The following SLC30A8 variants were observed in gnomAD, a reference collection of about 807,000 sequenced individuals.
SLC30A8 encodes the protein solute carrier family 30 member 8.
SLC30A8 carries 27 observed loss-of-function variants against 36.9 expected under a neutral mutation model. The ratio of observed to expected loss-of-function variants is 0.73; its 90% CI spans 0.54 to 1.01. SLC30A8 has a LOEUF of 1.01. SLC30A8 is among the 50% of genes least tolerant of loss of function. The pLI is 0.00. For synonymous variants in SLC30A8, 164 were observed against 172.4 expected, an observed-to-expected ratio of 0.95 and a Z score of 0.38; for missense variants, 439 against 452.0, an observed-to-expected ratio of 0.97 and a Z score of 0.26.
chr8:117,126,858 G>C (rs899583628), intron 2 of SLC30A8, among the ~76,000 whole-genome samples: 4 of 152,056 alleles, frequency 2.6e-5, no homozygotes, highest in African/African-American at 9.7e-5. Context: ...GGATCTAAGA[G>C]GGGCTGTCTG....
intron 2 of SLC30A8, among the ~76,000 whole-genome samples, chr8:117,069,025 C>A (rs911772475): frequency 6.6e-5 from 10 of 152,104 alleles, no homozygotes; most frequent in African/African-American, 2.4e-4. Context: ...CCTTTATTTG[C>A]CATTTTGCTA....
At chr8:117,075,104 C>T (rs926507983) in intron 2 of SLC30A8, among the ~76,000 whole-genome samples, 2 of 152,072 alleles carry the variant, frequency 1.3e-5, no homozygotes, top group East Asian at 3.9e-4. Context: ...AGTGAATAAA[C>T]TTGATTTCTA....
chr8:117,071,454 CTTATCAGAA>C (rs1937345794), intron 2 of SLC30A8, among the ~76,000 whole-genome samples: 1 of 152,072 alleles, frequency 6.6e-6, no homozygotes, highest in African/African-American at 2.4e-5. Flanking sequence ...ATATTGACCC[CTTATCAGAA>C]GTATGGGTTG....
chr8:117,047,827 A>G (rs1817598512), intron 2 of SLC30A8, among the ~76,000 whole-genome samples: 1 of 152,210 alleles, frequency 6.6e-6, no homozygotes, highest in Admixed American at 6.5e-5. Context: ...CTGATAAAAC[A>G]GCTTGCAGTA....
intron 1 of SLC30A8, among the ~76,000 whole-genome samples, chr8:117,036,661 C>T (rs534008440): frequency 2.0e-5 from 3 of 152,234 alleles, no homozygotes; most frequent in South Asian, 4.1e-4. Flanking sequence ...ATAAAACCAT[C>T]AGATCTCATG....
chr8:117,164,069 C>G (rs548170723), intron 6 of SLC30A8: 1 of 152,540 alleles, frequency 6.6e-6, no homozygotes, highest in Admixed American at 6.5e-5. Context: ...GTTCAGGTGT[C>G]TGCACTAAGG....
intron 1 of SLC30A8, among the ~76,000 whole-genome samples, chr8:117,022,756 C>T: frequency 6.6e-6 from 1 of 152,158 alleles, no homozygotes; most frequent in Non-Finnish European, 1.5e-5. Flanking sequence ...AAATGTTAGA[C>T]CTAAAACCAT....
At chr8:117,052,746 G>C (rs1043272858) in intron 2 of SLC30A8, among the ~76,000 whole-genome samples, 1 of 152,068 alleles carries the variant, frequency 6.6e-6, no homozygotes, top group African/African-American at 2.4e-5. Context: ...ATCACCTCCA[G>C]CTCTTTCTGA....
chr8:116,965,076 A>T (rs1385645723), intron 1 of SLC30A8, among the ~76,000 whole-genome samples: 4 of 152,204 alleles, frequency 2.6e-5, no homozygotes, highest in Non-Finnish European at 4.4e-5. Flanking sequence ...AGCTGAGATT[A>T]CAGGCGTGCA....
At chr8:116,968,688 G>A (rs1385763612) in intron 1 of SLC30A8, among the ~76,000 whole-genome samples, 1 of 151,864 alleles carries the variant, frequency 6.6e-6, no homozygotes, top group South Asian at 2.1e-4. Context: ...ATAGGAAAGA[G>A]GAGTGAATAG....
intron 1 of SLC30A8, among the ~76,000 whole-genome samples, chr8:116,970,956 G>A (rs1264719763): frequency 1.3e-5 from 2 of 152,082 alleles, no homozygotes; most frequent in Non-Finnish European, 2.9e-5. Flanking sequence ...TTAGCCAGTT[G>A]TAGTGGTGCA....
intron 2 of SLC30A8, among the ~76,000 whole-genome samples, chr8:117,039,508 A>T (rs1408863145): frequency 6.6e-6 from 1 of 152,164 alleles, no homozygotes; most frequent in Non-Finnish European, 1.5e-5. Context: ...TCTACTCATG[A>T]ATCCTTTTTG....
At chr8:117,045,967 A>G (rs1817538657) in intron 2 of SLC30A8, among the ~76,000 whole-genome samples, 2 of 146,842 alleles carry the variant, frequency 1.4e-5, no homozygotes, top group African/African-American at 5.1e-5. Context: ...TTTAAAACTG[A>G]CAGAAGAAAA....
At chr8:117,132,443 G>A (rs930792173), upstream of SLC30A8, among the ~76,000 whole-genome samples, 1 of 152,004 alleles carries the variant, frequency 6.6e-6, no homozygotes, top group African/African-American at 2.4e-5. Flanking sequence ...TAGATTGTGT[G>A]TTTCCCATTC....
intron 2 of SLC30A8, among the ~76,000 whole-genome samples, chr8:117,098,079 TTA>T (rs199510418): frequency 0.014 from 1,943 of 138,998 alleles, 61 homozygotes; most frequent in African/African-American, 0.049. Context: ...ATAAATATAA[TTA>T]TATATATTAT....
At chr8:117,044,439 C>T (rs1289367702) in intron 2 of SLC30A8, among the ~76,000 whole-genome samples, 1 of 152,108 alleles carries the variant, frequency 6.6e-6, no homozygotes, top group Non-Finnish European at 1.5e-5. Flanking sequence ...TTTTTAGACG[C>T]GCCCACCAGT....
intron 2 of SLC30A8, among the ~76,000 whole-genome samples, chr8:117,098,488 T>G (rs1375037654): frequency 6.6e-6 from 1 of 152,144 alleles, no homozygotes; most frequent in Non-Finnish European, 1.5e-5. Flanking sequence ...CTCCCTCCTA[T>G]CCACGGATGC....
intron 2 of SLC30A8, among the ~76,000 whole-genome samples, chr8:117,054,973 G>T (rs546426808): frequency 5.3e-5 from 8 of 152,220 alleles, no homozygotes; most frequent in African/African-American, 1.9e-4. Flanking sequence ...GGCAGACCTT[G>T]GTCTCCAGCT....
At position 117,043,535 on chromosome 8, in the gene SLC30A8, G is replaced by A. The variant is rs966775035; in HGVS notation, c.-226+4277G>A. On this transcript the variant is annotated intron_variant, in intron 2 of 10. Transcript: ENST00000427715. ...GGGGAGATACCACACAGGTGATAAA[G>A]GTGATTGATAAAGATAGGGTCAGAT... is the stretch of plus-strand genomic sequence containing the variant. Among the ~76,000 whole-genome samples the A allele has an allele frequency of 5.3e-5, 8 of 152,188 alleles. No individual in the cohort carries two copies. In the South Asian group the frequency reaches 1.4e-3, roughly 28 times the overall value.
Sources: allele counts gnomAD v4.1 joint callset (sites outside exome capture counted in the v4.1 genomes callset), GRCh38; gene constraint gnomAD v4.1.1; transcripts MANE v1.5; gene names NCBI Gene and HGNC (gene_info 2026-07-23, HGNC 2026-07-21).